HDAC9: variants seen among roughly 807,000 people sequenced by gnomAD.
The protein encoded by HDAC9 is MEF-2 interacting transcription repressor (MITR) protein.
Under a neutral mutation model 139.4 loss-of-function variants are expected in HDAC9, and 41 were observed. That is an observed-to-expected ratio of 0.29 (90% confidence interval 0.23 to 0.38). The LOEUF is 0.38. Among genes scored for constraint, HDAC9 ranks in the 10% least tolerant of loss-of-function variants. The pLI is 1.00. For synonymous variants in HDAC9, 517 were observed against 476.2 expected (o/e 1.09, Z -1.12); for missense variants, 1,147 against 1,297.0 (o/e 0.88, Z 1.78).
intron 13 of HDAC9, among the ~76,000 whole-genome samples, chr7:18,732,820 TG>T (rs1786326896): frequency 1.0e-5 from 1 of 98,562 alleles, no homozygotes; most frequent in Admixed American, 8.9e-5. Flanking sequence ...CACACACGTG[TG>T]TATGTGTGCG....
At chr7:18,459,169 A>G (rs1793617661) in intron 1 of HDAC9, among the ~76,000 whole-genome samples, 2 of 151,510 alleles carry the variant, frequency 1.3e-5, no homozygotes, top group African/African-American at 4.9e-5. Flanking sequence ...ACCCCTCTCT[A>G]CTCGTGTTAT....
At chr7:18,495,665 G>A, upstream of HDAC9, 1 of 836,958 alleles carries the variant, frequency 1.2e-6, no homozygotes, top group Non-Finnish European at 1.4e-6. Context: ...TTCTGTGCCT[G>A]TGGGCCATGC....
At chr7:18,106,025 A>G (rs1783180778) in intron 1 of HDAC9, among the ~76,000 whole-genome samples, 2 of 152,216 alleles carry the variant, frequency 1.3e-5, no homozygotes. Context: ...GCCAAAGACT[A>G]AAGGTAGAAT....
intron 12 of HDAC9, among the ~76,000 whole-genome samples, chr7:18,678,536 T>G (rs1165381866): frequency 6.6e-6 from 1 of 151,892 alleles, no homozygotes; most frequent in African/African-American, 2.4e-5. Flanking sequence ...CTGTACATTT[T>G]CCATTGCTGT....
chr7:18,744,692 A>G (rs1301014436), intron 13 of HDAC9, among the ~76,000 whole-genome samples: 1 of 152,204 alleles, frequency 6.6e-6, no homozygotes, highest in Non-Finnish European at 1.5e-5. Flanking sequence ...GAAATAGATT[A>G]TATGGCTAAA....
chr7:18,489,662 G>A (rs1357702992), intron 1 of HDAC9, among the ~76,000 whole-genome samples: 1 of 151,966 alleles, frequency 6.6e-6, no homozygotes, highest in Non-Finnish European at 1.5e-5. Flanking sequence ...TATCTTCAGG[G>A]CTTGCACTGT....
intron 13 of HDAC9, among the ~76,000 whole-genome samples, chr7:18,740,269 G>C (rs567447070): frequency 2.7e-4 from 41 of 152,258 alleles, no homozygotes; most frequent in African/African-American, 9.6e-4. Flanking sequence ...CCCTCCGTGG[G>C]CTGCACCCAC....
intron 1 of HDAC9, among the ~76,000 whole-genome samples, chr7:18,366,713 A>G (rs1416314955): frequency 1.3e-5 from 2 of 152,104 alleles, no homozygotes; most frequent in African/African-American, 4.8e-5. Context: ...GCAGTTCTCC[A>G]TCTTTGTAGT....
chr7:18,499,721 A>G (rs950446200), intron 2 of HDAC9, among the ~76,000 whole-genome samples: 2 of 152,186 alleles, frequency 1.3e-5, no homozygotes, highest in African/African-American at 4.8e-5. Flanking sequence ...GTAATGTAAG[A>G]TATATTTACA....
chr7:18,334,290 A>T (rs1781425608), intron 1 of HDAC9, among the ~76,000 whole-genome samples: 1 of 151,476 alleles, frequency 6.6e-6, no homozygotes, highest in African/African-American at 2.4e-5. Flanking sequence ...AGCAAATTAA[A>T]TTTAGCAATA....
intron 1 of HDAC9, among the ~76,000 whole-genome samples, chr7:18,311,597 G>A (rs1799320549): frequency 6.6e-6 from 1 of 152,106 alleles, no homozygotes; most frequent in Non-Finnish European, 1.5e-5. Flanking sequence ...CATAATGAGT[G>A]GCAAATCCGC....
chr7:18,297,907 C>T (rs771782098), intron 1 of HDAC9, among the ~76,000 whole-genome samples: 2 of 152,156 alleles, frequency 1.3e-5, no homozygotes, highest in African/African-American at 4.8e-5. Flanking sequence ...GCCTTAATGA[C>T]GTTCCATCCT....
intron 1 of HDAC9, among the ~76,000 whole-genome samples, chr7:18,100,972 T>C (rs908667496): frequency 6.6e-6 from 1 of 152,196 alleles, no homozygotes; most frequent in Non-Finnish European, 1.5e-5. Context: ...CCATGAATTA[T>C]GAAGTTTTCC....
rs182713569 is a variant in HDAC9 at position 18,815,339 on chromosome 7, A to G, written c.2323-13822A>G. 9.1e-4 allele frequency among the ~76,000 whole-genome samples: 138 copies of G among 151,832 alleles called. 1 individual carries two copies. Among genetic ancestry groups the G allele is most frequent in the African/African-American group, 3.2e-3 (130 of 41,138 alleles). On this transcript the variant is annotated intron_variant, in intron 17 of 25. Coordinates refer to ENST00000686413, the MANE Select transcript of HDAC9 (RefSeq NM_178425.4). ...TTGGCCAATTGAATTGTTGGGCCTTATGTCAAATAAAACCACTGCTTGAAA... is the reference window on the plus strand; with the variant it reads ...TTGGCCAATTGAATTGTTGGGCCTTGTGTCAAATAAAACCACTGCTTGAAA...
chr7:18,438,262 A>T (rs1168139907), intron 1 of HDAC9, among the ~76,000 whole-genome samples: 1 of 152,132 alleles, frequency 6.6e-6, no homozygotes, highest in Non-Finnish European at 1.5e-5. Flanking sequence ...ATCAAGAAAA[A>T]GTTAATATGA....
At chr7:18,564,270 T>G (rs2128718809) in intron 2 of HDAC9, among the ~76,000 whole-genome samples, 1 of 152,308 alleles carries the variant, frequency 6.6e-6, no homozygotes, top group African/African-American at 2.4e-5. Flanking sequence ...GGCTATAAAT[T>G]AATTAATCTG....
chr7:18,995,470 AT>A (rs1786389346), intron 25 of HDAC9, among the ~76,000 whole-genome samples: 1 of 152,256 alleles, frequency 6.6e-6, no homozygotes, highest in African/African-American at 2.4e-5. Flanking sequence ...AATAAAAACT[AT>A]TTACACACTA....
chr7:18,110,338 C>T (rs1308606870), intron 1 of HDAC9, among the ~76,000 whole-genome samples: 1 of 152,120 alleles, frequency 6.6e-6, no homozygotes, highest in Non-Finnish European at 1.5e-5. Flanking sequence ...TAGATATAGT[C>T]ATAAAAGCTA....
At chr7:18,845,977 G>C (rs1796877876) in intron 21 of HDAC9, among the ~76,000 whole-genome samples, 1 of 152,118 alleles carries the variant, frequency 6.6e-6, no homozygotes, top group African/African-American at 2.4e-5. Flanking sequence ...AAGCCCCTGT[G>C]TCACAAGGGC....
Sources: allele counts gnomAD v4.1 joint callset (sites outside exome capture counted in the v4.1 genomes callset), GRCh38; gene constraint gnomAD v4.1.1; transcripts MANE v1.5; gene names NCBI Gene and HGNC (gene_info 2026-07-23, HGNC 2026-07-21).